Variants in SPAG16 observed in about 807,000 individuals in gnomAD.
SPAG16 encodes sperm associated antigen 16.
Under a neutral mutation model 80.4 loss-of-function variants are expected in SPAG16, and 86 were observed. The observed-to-expected ratio is 1.07, with a 90% CI of 0.90 to 1.28. The LOEUF is 1.28. Ranked by LOEUF, SPAG16 falls within the 50% of genes most tolerant of loss-of-function variation. SPAG16 has a pLI of 0.00. For synonymous variants in SPAG16, 294 were observed against 265.9 expected, an observed-to-expected ratio of 1.11 and a Z score of -1.03; for missense variants, 870 against 765.3, an observed-to-expected ratio of 1.14 and a Z score of -1.61.
intron 15 of SPAG16, among the ~76,000 whole-genome samples, chr2:214,367,301 A>C (rs1246137116): frequency 6.6e-6 from 1 of 152,216 alleles, no homozygotes; most frequent in Non-Finnish European, 1.5e-5. Context: ...CTTCACATCT[A>C]TTATAACAAG....
At chr2:214,303,514 A>G (rs529851070) in intron 15 of SPAG16, among the ~76,000 whole-genome samples, 24 of 152,294 alleles carry the variant, frequency 1.6e-4, no homozygotes, top group African/African-American at 5.8e-4. Context: ...TATTTTCTTA[A>G]TAGGTAATGT....
intron 10 of SPAG16, among the ~76,000 whole-genome samples, chr2:213,602,007 G>A (rs1269375938): frequency 1.3e-5 from 2 of 152,202 alleles, no homozygotes; most frequent in African/African-American, 4.8e-5. Context: ...CGCATGTGCA[G>A]TTCACAAAAA....
chr2:214,159,673 A>C (rs969070336), intron 15 of SPAG16, among the ~76,000 whole-genome samples: 5 of 151,916 alleles, frequency 3.3e-5, no homozygotes, highest in Non-Finnish European at 7.4e-5. Flanking sequence ...ATATTTTCTC[A>C]CTTGTTCTAT....
chr2:213,393,621 G>A (rs979114055), intron 9 of SPAG16, among the ~76,000 whole-genome samples: 2 of 151,954 alleles, frequency 1.3e-5, no homozygotes, highest in Admixed American at 1.3e-4. Flanking sequence ...TGCATTAGTG[G>A]AAGATTTTCT....
rs138654212 is a variant in SPAG16 at position 214,356,346 on chromosome 2, A to G, written c.1721-53794A>G. Among the ~76,000 whole-genome samples, 11 of 152,098 alleles carry G rather than the reference A, an allele frequency of 7.2e-5. No individual in the cohort carries two copies. The East Asian group carries it at 1.2e-3, about 16-fold the overall frequency. ...AAAAATGAGAAAAACATTTTCCTACATAGGATTGCATGCAAGTGATCCCAA... is the reference window on the plus strand; with the variant it reads ...AAAAATGAGAAAAACATTTTCCTACGTAGGATTGCATGCAAGTGATCCCAA... On this transcript the variant is annotated intron_variant, in intron 15 of 15. Transcript: ENST00000331683.
chr2:214,279,319 T>G (rs1692718148), intron 15 of SPAG16, among the ~76,000 whole-genome samples: 1 of 152,116 alleles, frequency 6.6e-6, no homozygotes, highest in South Asian at 2.1e-4. Flanking sequence ...ATGGTCTCAA[T>G]CTCTTGACCT....
rs183787814 is a variant in SPAG16 at position 213,986,230 on chromosome 2, G to A, written c.1401-27721G>A. Among the ~76,000 whole-genome samples, 53 of 152,134 alleles carry A rather than the reference G, an allele frequency of 3.5e-4. No homozygotes were observed. In the East Asian group the frequency reaches 6.8e-3, roughly 19 times the overall value. The stretch of plus-strand genomic sequence containing the variant: ...TTTGAATTGCCCAGCGTCCAGGAAG[G>A]CATTTTAAGATGAGGAAATATTATG... On this transcript the variant is annotated intron_variant, in intron 12 of 15. Transcript: ENST00000331683.
chr2:214,196,909 G>A (rs958377839), intron 15 of SPAG16, among the ~76,000 whole-genome samples: 1 of 151,992 alleles, frequency 6.6e-6, no homozygotes, highest in Admixed American at 6.6e-5. Context: ...AATGACTTCA[G>A]AGTATGTGCT....
At chr2:214,237,323 T>TAA (rs200041322) in intron 15 of SPAG16, among the ~76,000 whole-genome samples, 5 of 148,002 alleles carry the variant, frequency 3.4e-5, no homozygotes, top group Middle Eastern at 3.5e-3. Flanking sequence ...CATGAAACAT[T>TAA]AAAAAAAAAA....
At chr2:213,690,872 C>G (rs368006178) in intron 10 of SPAG16, among the ~76,000 whole-genome samples, 7 of 152,258 alleles carry the variant, frequency 4.6e-5, no homozygotes, top group African/African-American at 1.7e-4. Flanking sequence ...CTGTTGGCTT[C>G]CCTGATATTG....
At chr2:213,802,413 C>A (rs181683663) in intron 10 of SPAG16, among the ~76,000 whole-genome samples, 4 of 135,478 alleles carry the variant, frequency 3.0e-5, no homozygotes, top group African/African-American at 8.2e-5. Context: ...ATCTATCTAT[C>A]TATCTATCTA....
intron 10 of SPAG16, among the ~76,000 whole-genome samples, chr2:213,723,311 A>C (rs10199366): frequency 0.018 from 2,720 of 152,260 alleles, 92 homozygotes; most frequent in African/African-American, 0.062. Flanking sequence ...AATCATACTA[A>C]TAATAAAGAG....
At chr2:213,781,521 A>G (rs1362883657) in intron 10 of SPAG16, among the ~76,000 whole-genome samples, 3 of 152,082 alleles carry the variant, frequency 2.0e-5, no homozygotes, top group Non-Finnish European at 4.4e-5. Context: ...TACTTTCCCC[A>G]TGGAAGGAAA....
intron 15 of SPAG16, among the ~76,000 whole-genome samples, chr2:214,187,930 C>G (rs1221421911): frequency 6.6e-6 from 1 of 152,074 alleles, no homozygotes; most frequent in African/African-American, 2.4e-5. Context: ...TCAAAATGCA[C>G]TACTATTTAA....
chr2:213,288,420 C>T (rs1341725301), intron 1 of SPAG16, among the ~76,000 whole-genome samples: 1 of 152,168 alleles, frequency 6.6e-6, no homozygotes, highest in South Asian at 2.1e-4. Context: ...TTCTGCTGCC[C>T]CAGCCTCCCG....
chr2:213,965,128 A>C (rs1019571007), intron 12 of SPAG16, among the ~76,000 whole-genome samples: 1 of 152,182 alleles, frequency 6.6e-6, no homozygotes, highest in African/African-American at 2.4e-5. Flanking sequence ...GTTCCAATGC[A>C]GTCTGTTTTC....
intron 10 of SPAG16, among the ~76,000 whole-genome samples, chr2:213,638,926 G>A (rs182821326): frequency 9.1e-4 from 138 of 152,252 alleles, no homozygotes; most frequent in Non-Finnish European, 1.5e-3. Context: ...GAGCTCCAAT[G>A]TTAGGTGCAT....
chr2:214,296,551 G>A (rs1352062167), intron 15 of SPAG16, among the ~76,000 whole-genome samples: 1 of 152,134 alleles, frequency 6.6e-6, no homozygotes, highest in East Asian at 1.9e-4. Context: ...ACCAACATCT[G>A]TGGTTTTTTG....
intron 12 of SPAG16, among the ~76,000 whole-genome samples, chr2:213,937,085 T>C (rs781307602): frequency 1.3e-5 from 2 of 152,120 alleles, no homozygotes; most frequent in Non-Finnish European, 2.9e-5. Context: ...AAAAGAAATT[T>C]TCTTATTACA....
Sources: allele counts gnomAD v4.1 joint callset (sites outside exome capture counted in the v4.1 genomes callset), GRCh38; gene constraint gnomAD v4.1.1; transcripts MANE v1.5; gene names NCBI Gene and HGNC (gene_info 2026-07-23, HGNC 2026-07-21).